Variants in LUZP2 observed in about 807,000 individuals in gnomAD.
LUZP2 encodes leucine zipper protein 2.
LUZP2 carries 52 observed loss-of-function variants against 51.6 expected under a neutral mutation model. The observed-to-expected ratio is 1.01, with a 90% CI of 0.81 to 1.27. The LOEUF is 1.27. Among genes scored for constraint, LUZP2 ranks in the 50% most tolerant of loss-of-function variants. The pLI, the probability that LUZP2 is intolerant of heterozygous loss-of-function variation, is 0.00. For missense variants in LUZP2, 436 were observed against 395.4 expected, an observed-to-expected ratio of 1.10 and a Z score of -0.87; for synonymous variants, 154 against 137.3, an observed-to-expected ratio of 1.12 and a Z score of -0.85.
chr11:24,991,064 C>T (rs2133925985), intron 9 of LUZP2, among the ~76,000 whole-genome samples: 1 of 152,016 alleles, frequency 6.6e-6, no homozygotes, highest in East Asian at 1.9e-4. Flanking sequence ...TTGGTGCACC[C>T]ATCAACAGAG....
intron 7 of LUZP2, among the ~76,000 whole-genome samples, chr11:24,962,177 A>T (rs1350073067): frequency 2.6e-5 from 4 of 152,050 alleles, no homozygotes; most frequent in Non-Finnish European, 5.9e-5. Flanking sequence ...GGCTGCCCTT[A>T]ACATTTTTTC....
chr11:25,074,945 C>T (rs1320546608), intron 10 of LUZP2, among the ~76,000 whole-genome samples: 1 of 152,148 alleles, frequency 6.6e-6, no homozygotes, highest in African/African-American at 2.4e-5. Flanking sequence ...ATGACAGGAA[C>T]TCCACTCTTA....
At chr11:24,950,626 T>A (rs11821286) in intron 7 of LUZP2, among the ~76,000 whole-genome samples, 1,715 of 151,776 alleles carry the variant, frequency 0.011, 34 homozygotes, top group African/African-American at 0.038. Context: ...ATACAGCTAA[T>A]GAATTGCATT....
At chr11:24,854,107 A>T (rs1309536265) in intron 5 of LUZP2, among the ~76,000 whole-genome samples, 1 of 152,228 alleles carries the variant, frequency 6.6e-6, no homozygotes, top group East Asian at 1.9e-4. Context: ...TCAGGGACCC[A>T]TTTGAGGAGG....
At chr11:24,908,758 CTT>C (rs34476662) in intron 6 of LUZP2, among the ~76,000 whole-genome samples, 23 of 137,536 alleles carry the variant, frequency 1.7e-4, no homozygotes, top group Admixed American at 2.2e-4. Flanking sequence ...TGTTTTTTTT[CTT>C]TTTTTTTTTT....
intron 1 of LUZP2, among the ~76,000 whole-genome samples, chr11:24,621,272 G>C (rs1453653838): frequency 6.6e-6 from 1 of 152,204 alleles, no homozygotes; most frequent in African/African-American, 2.4e-5. Flanking sequence ...CAAAAGGTTT[G>C]AGATTCAGAA....
chr11:24,926,331 A>ATATATACGTGTG (rs1854245187), intron 7 of LUZP2, among the ~76,000 whole-genome samples: 1 of 108,052 alleles, frequency 9.3e-6, no homozygotes, highest in African/African-American at 4.5e-5. Flanking sequence ...GTGTGTGTAT[A>ATATATACGTGTG]TATATATACG....
chr11:24,972,139 GAAAAAAAA>G (rs10701148), intron 7 of LUZP2, among the ~76,000 whole-genome samples: 2 of 32,794 alleles, frequency 6.1e-5, no homozygotes, highest in East Asian at 1.2e-3. Context: ...GTGAGACTCC[GAAAAAAAA>G]AAAAAAAAAA....
In LUZP2 at chr11:24,592,598, A is replaced by G. The variant is rs181425108; in HGVS notation, c.62+95293A>G. Reference sequence around the variant, plus strand: ...CCTCAGCCTTATTTATTTTCCTCGAATAGTCTTCTGAATGCTGAACCCTAA... The same window carrying G: ...CCTCAGCCTTATTTATTTTCCTCGAGTAGTCTTCTGAATGCTGAACCCTAA... On this transcript the variant is annotated intron_variant, in intron 1 of 11. Coordinates refer to ENST00000336930, the MANE Select transcript of LUZP2 (RefSeq NM_001009909.4). Among the ~76,000 whole-genome samples, 966 of 152,036 alleles carry G rather than the reference A, an allele frequency of 6.4e-3. 10 individuals carry two copies. The highest frequency in any genetic ancestry group is 0.022 in the South Asian group (105 of 4,806).
intron 1 of LUZP2, among the ~76,000 whole-genome samples, chr11:24,638,685 T>C (rs986540546): frequency 2.0e-5 from 3 of 147,788 alleles, no homozygotes; most frequent in Non-Finnish European, 4.5e-5. Context: ...TTTATGATAA[T>C]GAAAGTGGAA....
At chr11:24,703,207 A>G (rs1857467961) in intron 1 of LUZP2, among the ~76,000 whole-genome samples, 1 of 152,182 alleles carries the variant, frequency 6.6e-6, no homozygotes, top group African/African-American at 2.4e-5. Flanking sequence ...GATTCCTCCT[A>G]CTGACCTCTG....
At chr11:24,840,703 G>A (rs113018347) in intron 5 of LUZP2, among the ~76,000 whole-genome samples, 68 of 152,034 alleles carry the variant, frequency 4.5e-4, no homozygotes, top group African/African-American at 1.6e-3. Context: ...AGCCGATAGG[G>A]TTAGGTAATT....
At chr11:24,777,095 T>C (rs1018011782) in intron 5 of LUZP2, among the ~76,000 whole-genome samples, 5 of 150,918 alleles carry the variant, frequency 3.3e-5, no homozygotes, top group Admixed American at 6.6e-5. Flanking sequence ...CCCGGGTTCA[T>C]GCCATTCTCC....
At chr11:24,944,785 G>C (rs1854854913) in intron 7 of LUZP2, among the ~76,000 whole-genome samples, 1 of 152,246 alleles carries the variant, frequency 6.6e-6, no homozygotes, top group South Asian at 2.1e-4. Context: ...GTGGTGACCT[G>C]GCAAAAGCTG....
intron 1 of LUZP2, among the ~76,000 whole-genome samples, chr11:24,657,929 A>G (rs1174739600): frequency 6.6e-6 from 1 of 152,230 alleles, no homozygotes; most frequent in Non-Finnish European, 1.5e-5. Context: ...AAAAGAGGAC[A>G]CAAACAAATG....
chr11:24,684,279 A>C (rs1856832285), intron 1 of LUZP2, among the ~76,000 whole-genome samples: 1 of 152,164 alleles, frequency 6.6e-6, no homozygotes, highest in African/African-American at 2.4e-5. Flanking sequence ...CCATAGGAAA[A>C]AAAATAAACT....
intron 1 of LUZP2, among the ~76,000 whole-genome samples, chr11:24,655,412 A>C (rs768747468): frequency 3.4e-4 from 52 of 152,080 alleles, no homozygotes; most frequent in Non-Finnish European, 8.8e-5. Context: ...CTAGAGGTGC[A>C]GTGAATATTT....
intron 7 of LUZP2, among the ~76,000 whole-genome samples, chr11:24,916,048 T>C (rs1044052794): frequency 8.5e-5 from 13 of 152,072 alleles, no homozygotes; most frequent in African/African-American, 3.1e-4. Flanking sequence ...TAATGCTTGC[T>C]GTCAAAACAT....
rs748785617 is a variant in LUZP2, at chr11:24,678,227, C to T, written c.63-50942C>T. The stretch of plus-strand genomic sequence containing the variant: ...ATCCAGTGTCCAGGACAATCAATGG[C>T]CCATAGTAACCATTCAATACGTTTT... On this transcript the variant is annotated intron_variant, in intron 1 of 11. Coordinates refer to ENST00000336930, the MANE Select transcript of LUZP2 (RefSeq NM_001009909.4). 1.4e-3 allele frequency among the ~76,000 whole-genome samples: 217 copies of T among 152,010 alleles called. 1 individual carries two copies. Among genetic ancestry groups the T allele is most frequent in the Non-Finnish European group, 2.2e-3 (150 of 67,986 alleles).
Sources: gnomAD v4.1 joint callset for allele counts (sites outside exome capture counted in the v4.1 genomes callset) on GRCh38, gnomAD v4.1.1 for gene constraint, MANE v1.5 for transcripts, NCBI Gene and HGNC (gene_info 2026-07-23, HGNC 2026-07-21) for gene names.